The following MN1 variants were observed in gnomAD, a reference collection of about 807,000 sequenced individuals.
The protein encoded by MN1 is transcriptional activator MN1.
A neutral mutation model predicts 86.9 loss-of-function variants in MN1; 19 were observed. The ratio of observed to expected loss-of-function variants is 0.22; its 90% CI spans 0.15 to 0.32. The LOEUF (loss-of-function observed/expected upper bound fraction) is 0.32, where lower values mean the gene tolerates loss of function less well. MN1 is among the 10% of genes least tolerant of loss of function. The pLI is 1.00. For synonymous variants in MN1, 928 were observed against 849.6 expected, an observed-to-expected ratio of 1.09 and a Z score of -1.60; for missense variants, 1,841 against 1,862.0, an observed-to-expected ratio of 0.99 and a Z score of 0.21.
At position 27,784,869 on chromosome 22, in the gene MN1, C is replaced by T. The variant is rs186078063; in HGVS notation, c.3781+11894G>A. 3.9e-3 allele frequency among the ~76,000 whole-genome samples: 591 copies of T among 150,958 alleles called. 4 individuals are homozygous for T. The highest frequency in any genetic ancestry group is 4.1e-3 in the Non-Finnish European group (280 of 67,814). The stretch of plus-strand genomic sequence containing the variant: ...TTTTTTAAGGAAGAAATAAATACTG[C>T]TGGGTTGTGGGTCGGGGGGAGTTGG... On this transcript the variant is annotated intron_variant, in intron 1 of 1. Coordinates refer to ENST00000302326, the MANE Select transcript of MN1 (RefSeq NM_002430.3).
chr22:27,793,400 G>T (rs907567641), intron 1 of MN1, among the ~76,000 whole-genome samples: 1 of 147,944 alleles, frequency 6.8e-6, no homozygotes, highest in Non-Finnish European at 1.5e-5. Context: ...AAAGATAGGC[G>T]GATGATTTTG....
Position 27,799,377 on chromosome 22 carries a change from G to A in MN1, c.1167C>T (p.Pro389=), listed in dbSNP as rs1218376432. The A allele has an allele frequency of 2.6e-6, 4 of 1,542,630 alleles. No individual in the cohort carries two copies. Among genetic ancestry groups the A allele is most frequent in the Admixed American group, 2.0e-5 (1 of 50,852 alleles). Reference sequence around the variant, plus strand: ...GGCCTCCGTCCTGCAGGCCGCCGCTGGGCGTGCCCGCCTCGCCCTGCTGGG... The same window carrying A: ...GGCCTCCGTCCTGCAGGCCGCCGCTAGGCGTGCCCGCCTCGCCCTGCTGGG... The part of the protein sequence containing the change: ...PRPQQGEAGT[P]SGGLQDGGPM... The change falls in exon 1 of 2, where the codon CCC becomes CCT. Residue 389 remains proline (P), a synonymous_variant. Transcript: ENST00000302326.
In MN1 at chr22:27,797,920, C is replaced by A. The variant is rs1208074484; in HGVS notation, c.2624G>T (p.Gly875Val). 1.9e-6 allele frequency: 3 copies of A among 1,600,968 alleles called. No individual in the cohort carries two copies. The highest frequency in any genetic ancestry group is 2.6e-6 in the Non-Finnish European group (3 of 1,173,266). Residue 875 changes from glycine (G) to valine (V), a missense_variant, in exon 1 of 2, where the codon GGC becomes GTC. Transcript: ENST00000302326. ...AGTCCCTCCTGGGAAGTAATCCGAG[C>A]CCGGGTTGCCGGCCACTGCCGCGCC... ...TDGAAVAGNP[G>V]SDYFPGGTAP...
intron 1 of MN1, among the ~76,000 whole-genome samples, chr22:27,792,819 A>G (rs765987667): frequency 4.6e-5 from 7 of 152,262 alleles, no homozygotes; most frequent in African/African-American, 9.6e-5. Flanking sequence ...CCTTCCCCCA[A>G]ACAAGTTCAA....
chr22:27,752,174 G>A (rs899670667), intron 1 of MN1, among the ~76,000 whole-genome samples: 5 of 152,246 alleles, frequency 3.3e-5, no homozygotes, highest in Admixed American at 6.5e-5. Context: ...AAAGGGACCC[G>A]AGGCCAGTCC....
rs763929036 is a variant in MN1 at position 27,800,104 on chromosome 22, G to A, written c.440C>T (p.Pro147Leu). Reference sequence around the variant, plus strand: ...GTGCTCATAGCCCTCGGCGAAGGGCGGCTGGCTGCCCAGGCCTCCGGCTGC... The same window carrying A: ...GTGCTCATAGCCCTCGGCGAAGGGCAGCTGGCTGCCCAGGCCTCCGGCTGC... ...GGAAGGLGSQ[P>L]PFAEGYEHMA... The change falls in exon 1 of 2, where the codon CCG becomes CTG. Residue 147 changes from proline (P) to leucine (L), a missense_variant. Transcript: ENST00000302326. 1.9e-6 allele frequency: 3 copies of A among 1,584,622 alleles called. No individual in the cohort carries two copies. The highest frequency in any genetic ancestry group is 1.7e-4 in the Middle Eastern group (1 of 5,978).
intron 1 of MN1, among the ~76,000 whole-genome samples, chr22:27,783,677 G>C (rs964952880): frequency 6.6e-6 from 1 of 152,180 alleles, no homozygotes; most frequent in East Asian, 1.9e-4. Flanking sequence ...AAATGTTGTA[G>C]GGGAGGGGCA....
intron 1 of MN1, among the ~76,000 whole-genome samples, chr22:27,783,959 G>A (rs2146308301): frequency 6.6e-6 from 1 of 152,322 alleles, no homozygotes. Context: ...CCACGATGAT[G>A]CCGCCGCAGG....
At chr22:27,788,710 C>T (rs886948015) in intron 1 of MN1, among the ~76,000 whole-genome samples, 10 of 151,086 alleles carry the variant, frequency 6.6e-5, no homozygotes, top group African/African-American at 2.0e-4. Context: ...TGTGTGTGCA[C>T]GCACGTGTGT....
At chr22:27,762,426 C>T (rs8136505) in intron 1 of MN1, among the ~76,000 whole-genome samples, 9,021 of 152,160 alleles carry the variant, frequency 0.059, 307 homozygotes, top group African/African-American at 0.088. Context: ...CTGACTTCAC[C>T]CCATAAATAG....
intron 1 of MN1, among the ~76,000 whole-genome samples, chr22:27,794,909 A>G (rs1334994820): frequency 2.2e-5 from 3 of 135,930 alleles, no homozygotes; most frequent in Admixed American, 7.6e-5. Context: ...GGGAAGGGGG[A>G]GGGGCGGCTA....
intron 1 of MN1, among the ~76,000 whole-genome samples, chr22:27,789,272 C>G (rs1057475509): frequency 6.6e-6 from 1 of 151,320 alleles, no homozygotes; most frequent in Non-Finnish European, 1.5e-5. Context: ...GCAATGGGTC[C>G]CAAATACGCC....
rs772969426 is a variant in MN1 at position 27,796,927 on chromosome 22, G to T, written c.3617C>A (p.Ala1206Glu). The T allele has an allele frequency of 6.2e-7, 1 of 1,612,506 alleles. No homozygotes were observed. Among genetic ancestry groups the T allele is most frequent in the African/African-American group, 1.3e-5 (1 of 74,938 alleles). The change falls in exon 1 of 2, where the codon GCG becomes GAG. Residue 1206 changes from alanine to glutamate, a missense_variant. Transcript: ENST00000302326. ...AATGGTGCTCATGGCGCTCTTGACC[G>T]CCTCGGAGCAGCAGCTGCCCAGCTC... ...DSELGSCCSE[A>E]VKSAMSTIDL...
At chr22:27,769,284 A>G (rs1601328591) in intron 1 of MN1, among the ~76,000 whole-genome samples, 1 of 152,170 alleles carries the variant, frequency 6.6e-6, no homozygotes, top group Admixed American at 6.5e-5. Context: ...TTGATATTGA[A>G]TCTGTAATCT....
chr22:27,784,297 CTGTT>C (rs1237351206), intron 1 of MN1, among the ~76,000 whole-genome samples: 4 of 152,354 alleles, frequency 2.6e-5, no homozygotes, highest in African/African-American at 9.6e-5. Flanking sequence ...ACCAGTTTCT[CTGTT>C]TGTTGAAACC....
rs1932727753 is a variant in MN1 at position 27,748,890 on chromosome 22, T to G, written c.*2025A>C. 2 of 228,384 alleles carry G rather than the reference T, an allele frequency of 8.8e-6. No homozygotes were observed. Among genetic ancestry groups the G allele is most frequent in the Middle Eastern group, 1.3e-3 (1 of 782 alleles). The allele number at this position is 228,384 out of a possible 1,614,324, so 14.1% of individuals were successfully genotyped here. A position where few individuals can be genotyped will look rare whatever the true frequency, so the allele number is the denominator to read the frequency against. On this transcript the variant is annotated 3_prime_UTR_variant, in exon 2 of 2. Coordinates refer to ENST00000302326, the MANE Select transcript of MN1 (RefSeq NM_002430.3). ...CATTCCTGTTTCAAAAGTAAAATGA[T>G]GAGGCTCTCAAACAGCTGTACACTG...
chr22:27,786,550 G>A (rs989770560), intron 1 of MN1, among the ~76,000 whole-genome samples: 10 of 151,916 alleles, frequency 6.6e-5, no homozygotes, highest in Non-Finnish European at 2.9e-5. Context: ...CATGTGCAGA[G>A]ACCTCTGGCC....
At chr22:27,783,537 G>T (rs1013255741) in intron 1 of MN1, among the ~76,000 whole-genome samples, 3 of 152,178 alleles carry the variant, frequency 2.0e-5, no homozygotes, top group Admixed American at 1.3e-4. Flanking sequence ...TCTCAGGTGA[G>T]GGCATTAAGG....
rs1431875031 is a variant in MN1, at chr22:27,749,006, C to T, written c.*1909G>A. ...GGGAAATTCCCTTCCCTTTCCATTC[C>T]TTTTGTAGCAGAACGCAGGAACTGC... On this transcript the variant is annotated 3_prime_UTR_variant, in exon 2 of 2. Transcript: ENST00000302326. The T allele has an allele frequency of 4.3e-6, 1 of 231,438 alleles. No individual in the cohort carries two copies. The highest frequency in any genetic ancestry group is 8.5e-6 in the Non-Finnish European group (1 of 116,972). 14.3% of individuals were successfully genotyped at this position (231,438 alleles called of 1,614,324 possible).
Sources: allele counts gnomAD v4.1 joint callset (sites outside exome capture counted in the v4.1 genomes callset), GRCh38; gene constraint gnomAD v4.1.1; transcripts MANE v1.5; gene names NCBI Gene and HGNC (gene_info 2026-07-23, HGNC 2026-07-21).